Variants in ARID3B observed in about 807,000 individuals in gnomAD.
ARID3B encodes the protein AT-rich interactive domain-containing protein 3B.
Under a neutral mutation model 51.9 loss-of-function variants are expected in ARID3B, and 10 were observed. The ratio of observed to expected loss-of-function variants is 0.19; its 90% confidence interval spans 0.12 to 0.33. The LOEUF is 0.33. Among genes scored for constraint, ARID3B ranks in the 10% least tolerant of loss-of-function variants. The probability of loss-of-function intolerance (pLI) is 1.00; values close to 1 mark genes in which losing one functional copy is unlikely to be tolerated. For missense variants in ARID3B, 483 were observed against 716.3 expected, an observed-to-expected ratio of 0.67 and a Z score of 3.72; for synonymous variants, 205 against 279.5, an observed-to-expected ratio of 0.73 and a Z score of 2.66.
intron 2 of ARID3B, among the ~76,000 whole-genome samples, chr15:74,572,270 C>T (rs1480808387): frequency 1.3e-5 from 2 of 152,316 alleles, no homozygotes; most frequent in Admixed American, 6.5e-5. Context: ...AATGAACTCT[C>T]GCCCTAGTGG....
chr15:74,590,458 A>G (rs2061798949), intron 5 of ARID3B, among the ~76,000 whole-genome samples: 1 of 152,220 alleles, frequency 6.6e-6, no homozygotes, highest in Admixed American at 6.5e-5. Context: ...CAGCTTACCC[A>G]GCGGCAGAGG....
intron 2 of ARID3B, among the ~76,000 whole-genome samples, chr15:74,553,054 G>C (rs1270005999): frequency 1.3e-5 from 2 of 152,188 alleles, no homozygotes; most frequent in African/African-American, 4.8e-5. Context: ...CCCGTCAGCA[G>C]TGAATGAGCT....
At chr15:74,543,837 T>C in intron 1 of ARID3B, 23 bp from the exon 2 acceptor site, 1 of 1,457,714 alleles carries the variant, frequency 6.9e-7, no homozygotes, top group Non-Finnish European at 9.3e-7. Context: ...CCTCCTTCTT[T>C]GTGGTTTCTG....
intron 2 of ARID3B, among the ~76,000 whole-genome samples, chr15:74,566,001 A>G (rs1385668566): frequency 2.0e-5 from 3 of 152,160 alleles, no homozygotes; most frequent in African/African-American, 4.8e-5. Context: ...TTGCATCAGA[A>G]CATACCTTTC....
At chr15:74,550,321 A>G (rs1449718128) in intron 2 of ARID3B, among the ~76,000 whole-genome samples, 1 of 152,178 alleles carries the variant, frequency 6.6e-6, no homozygotes, top group African/African-American at 2.4e-5. Context: ...AAGTGTAAAT[A>G]CTTGGCAGAC....
At chr15:74,584,618 C>G (rs1567125508) in intron 4 of ARID3B, among the ~76,000 whole-genome samples, 1 of 152,170 alleles carries the variant, frequency 6.6e-6, no homozygotes, top group Non-Finnish European at 1.5e-5. Flanking sequence ...AAGTGGCTTT[C>G]CCTTCAACAC....
At chr15:74,558,251 A>G (rs754740726) in intron 2 of ARID3B, among the ~76,000 whole-genome samples, 1 of 134,126 alleles carries the variant, frequency 7.5e-6, no homozygotes. Flanking sequence ...GAACCTCCTC[A>G]TTCAGTCTCC....
chr15:74,564,169 T>C (rs372514111), intron 2 of ARID3B, among the ~76,000 whole-genome samples: 1 of 152,230 alleles, frequency 6.6e-6, no homozygotes, highest in South Asian at 2.1e-4. Context: ...CCTGATCTTA[T>C]CAAGAGGGTT....
rs1444100927 is a variant in ARID3B at position 74,596,508 on chromosome 15, C to G, written c.*734C>G. Reference sequence around the variant, plus strand: ...ACGGACCATTCTCTGACCGCCCCCGCCAAACCTCATGCTCCCCACTTGCCC... The same window carrying G: ...ACGGACCATTCTCTGACCGCCCCCGGCAAACCTCATGCTCCCCACTTGCCC... On this transcript the variant is annotated 3_prime_UTR_variant, in exon 9 of 9. Coordinates refer to ENST00000346246, the MANE Select transcript of ARID3B (RefSeq NM_006465.4). The G allele has an allele frequency of 8.6e-6, 2 of 233,534 alleles. No homozygotes were observed. Among genetic ancestry groups the G allele is most frequent in the East Asian group, 1.2e-4 (2 of 16,584 alleles). The allele number at this position is 233,534 out of a possible 1,614,324, so 14.5% of individuals were successfully genotyped here.
At chr15:74,571,364 CAT>C (rs1408707816) in intron 2 of ARID3B, among the ~76,000 whole-genome samples, 1 of 152,236 alleles carries the variant, frequency 6.6e-6, no homozygotes, top group Non-Finnish European at 1.5e-5. Flanking sequence ...CCCAGCCCCA[CAT>C]GTCCTTTCCT....
At chr15:74,568,972 G>A (rs964060437) in intron 2 of ARID3B, among the ~76,000 whole-genome samples, 2 of 152,164 alleles carry the variant, frequency 1.3e-5, no homozygotes, top group Non-Finnish European at 2.9e-5. Flanking sequence ...ATGTTGAGCT[G>A]TCTCTTTTTG....
chr15:74,547,454 A>G (rs2061620218), intron 2 of ARID3B, among the ~76,000 whole-genome samples: 1 of 152,118 alleles, frequency 6.6e-6, no homozygotes, highest in South Asian at 2.1e-4. Context: ...AAGTGCTGGG[A>G]TTACAGGCGT....
In ARID3B at chr15:74,597,465, G is replaced by A. The variant is rs530436741; in HGVS notation, c.*1691G>A. ...GTAAGCTGCAGCTCTGCTCAACTGC[G>A]TCTTCTCTCAGCCCTCCACACACAC... On this transcript the variant is annotated 3_prime_UTR_variant, in exon 9 of 9. Coordinates refer to ENST00000346246, the MANE Select transcript of ARID3B (RefSeq NM_006465.4). 1.6e-3 allele frequency: 824 copies of A among 516,194 alleles called. No homozygotes were observed. Among genetic ancestry groups the A allele is most frequent in the Non-Finnish European group, 2.4e-3 (643 of 269,600 alleles). 32.0% of individuals were successfully genotyped at this position (516,194 alleles called of 1,614,324 possible).
intron 5 of ARID3B, among the ~76,000 whole-genome samples, chr15:74,590,818 T>C (rs2061800086): frequency 6.6e-6 from 1 of 152,162 alleles, no homozygotes; most frequent in South Asian, 2.1e-4. Context: ...TGAATGGTTA[T>C]AAGATCAAGA....
At chr15:74,565,852 G>A (rs1469796906) in intron 2 of ARID3B, among the ~76,000 whole-genome samples, 1 of 151,956 alleles carries the variant, frequency 6.6e-6, no homozygotes, top group Non-Finnish European at 1.5e-5. Flanking sequence ...TAAGCCATTG[G>A]CTTCTCCTGC....
chr15:74,542,317 A>G (rs1157314353), intron 1 of ARID3B, among the ~76,000 whole-genome samples: 1 of 152,230 alleles, frequency 6.6e-6, no homozygotes, highest in Non-Finnish European at 1.5e-5. Context: ...TTACACTGTA[A>G]GAAGAGCTAA....
chr15:74,563,503 A>C (rs890189562), intron 2 of ARID3B, among the ~76,000 whole-genome samples: 1 of 152,188 alleles, frequency 6.6e-6, no homozygotes, highest in Non-Finnish European at 1.5e-5. Flanking sequence ...GGGAAAAAAA[A>C]GTTTTATGAA....
intron 2 of ARID3B, among the ~76,000 whole-genome samples, chr15:74,565,499 CAAGG>C (rs2061694422): frequency 6.6e-6 from 1 of 152,184 alleles, no homozygotes; most frequent in Non-Finnish European, 1.5e-5. Flanking sequence ...CTTTAAACCC[CAAGG>C]AAGGGTTAAC....
intron 2 of ARID3B, among the ~76,000 whole-genome samples, chr15:74,562,530 CG>C (rs1567119273): frequency 6.6e-6 from 1 of 152,010 alleles, no homozygotes; most frequent in Non-Finnish European, 1.5e-5. Context: ...CACTGTCTCC[CG>C]GGGGGAATGC....
Sources: allele counts gnomAD v4.1 joint callset (sites outside exome capture counted in the v4.1 genomes callset), GRCh38; gene constraint gnomAD v4.1.1; transcripts MANE v1.5; gene names NCBI Gene and HGNC (gene_info 2026-07-23, HGNC 2026-07-21).